C12orf50: variants seen among roughly 807,000 people sequenced by gnomAD.
C12orf50 encodes zinc finger CCCH-type containing 11D.
C12orf50 carries 35 observed loss-of-function variants against 61.6 expected under a neutral mutation model. The ratio of observed to expected loss-of-function variants is 0.57; its 90% CI spans 0.43 to 0.75. The LOEUF (loss-of-function observed/expected upper bound fraction) is 0.75, where lower values mean the gene tolerates loss of function less well. Ranked by LOEUF, C12orf50 falls within the 30% of genes least tolerant of loss-of-function variation. The pLI is 0.00. For synonymous variants in C12orf50, 178 were observed against 161.5 expected (o/e 1.10, Z -0.77); for missense variants, 475 against 488.5 (o/e 0.97, Z 0.26).
chr12:87,992,826 A>G (rs1275515839), intron 7 of C12orf50, among the ~76,000 whole-genome samples: 1 of 152,184 alleles, frequency 6.6e-6, no homozygotes, highest in African/African-American at 2.4e-5. Context: ...AAGTGCAATA[A>G]CACATTAAAA....
chr12:87,980,289 C>A lies in C12orf50; in HGVS notation c.*42G>T. Reference sequence around the variant, plus strand: ...TTTTTGATTGTAAATCAGATGATGTCTGGCAATTTTTTCTCATTTTTCTCT... The same window carrying A: ...TTTTTGATTGTAAATCAGATGATGTATGGCAATTTTTTCTCATTTTTCTCT... On this transcript the variant is annotated 3_prime_UTR_variant, in exon 13 of 13. Coordinates refer to ENST00000298699, the MANE Select transcript of C12orf50 (RefSeq NM_152589.3). The A allele has an allele frequency of 6.3e-7, 1 of 1,583,276 alleles. No individual in the cohort carries two copies.
At chr12:87,985,724 A>C in intron 11 of C12orf50, 126 bp downstream of exon 11, 1 of 862,150 alleles carries the variant, frequency 1.2e-6, no homozygotes, top group Non-Finnish European at 1.9e-6. Flanking sequence ...ACTAGTTTCT[A>C]TGGTGGTGAT....
intron 7 of C12orf50, among the ~76,000 whole-genome samples, chr12:87,993,815 G>A (rs779989165): frequency 1.3e-5 from 2 of 152,192 alleles, no homozygotes; most frequent in Non-Finnish European, 2.9e-5. Context: ...ACATGTTTAT[G>A]CTAAAAAGCA....
chr12:88,029,837 G>A (rs1194858996), upstream of C12orf50, among the ~76,000 whole-genome samples: 2 of 151,950 alleles, frequency 1.3e-5, no homozygotes, highest in African/African-American at 4.8e-5. Flanking sequence ...TATATTAATA[G>A]GTACCTGAAA....
At chr12:87,996,324 A>T in intron 6 of C12orf50, 50 bp downstream of exon 6, 1 of 1,250,930 alleles carries the variant, frequency 8.0e-7, no homozygotes, top group East Asian at 2.3e-5. Flanking sequence ...AGTCTATCAC[A>T]CCAAGTATAT....
intron 3 of C12orf50, among the ~76,000 whole-genome samples, chr12:88,009,886 C>A (rs1170748231): frequency 1.3e-5 from 2 of 152,024 alleles, no homozygotes; most frequent in African/African-American, 2.4e-5. Flanking sequence ...TATTCATATT[C>A]TCTGAAATGG....
intron 8 of C12orf50, among the ~76,000 whole-genome samples, chr12:87,988,225 T>C (rs1388615418): frequency 1.3e-5 from 2 of 152,204 alleles, no homozygotes; most frequent in Admixed American, 1.3e-4. Flanking sequence ...GCAGTATTTT[T>C]ACTATCTCCA....
In C12orf50 at chr12:87,983,098, G is replaced by T; in HGVS notation, c.1219+5C>A. The T allele has an allele frequency of 2.0e-6, 3 of 1,527,656 alleles. No homozygotes were observed. Among genetic ancestry groups the T allele is most frequent in the Non-Finnish European group, 2.7e-6 (3 of 1,111,454 alleles). The allele number at this position is 1,527,656 out of a possible 1,614,324, so 94.6% of individuals were successfully genotyped here. A position where few individuals can be genotyped will look rare whatever the true frequency, so the allele number is the denominator to read the frequency against. On this transcript the variant is annotated splice_donor_5th_base_variant and intron_variant, in intron 12 of 12. Transcript: ENST00000298699. ...GATACATTAAAACCACTTATAAATA[G>T]TTACCTGGATATATCTTTTCACTTT... is the stretch of plus-strand genomic sequence containing the variant.
At chr12:87,981,972 G>A (rs2030500364) in intron 12 of C12orf50, among the ~76,000 whole-genome samples, 1 of 152,078 alleles carries the variant, frequency 6.6e-6, no homozygotes, top group African/African-American at 2.4e-5. Context: ...CATGTATTAT[G>A]TGCTGAAGTG....
At chr12:87,988,237 A>G (rs982197541) in intron 8 of C12orf50, among the ~76,000 whole-genome samples, 49 of 152,290 alleles carry the variant, frequency 3.2e-4, no homozygotes, top group African/African-American at 1.1e-3. Flanking sequence ...CTATCTCCAT[A>G]CAAAAGATTT....
intron 12 of C12orf50, among the ~76,000 whole-genome samples, chr12:87,981,910 T>G (rs1040730277): frequency 2.0e-5 from 3 of 152,148 alleles, no homozygotes; most frequent in African/African-American, 7.2e-5. Flanking sequence ...ATCTGGGAAC[T>G]GCAACACAGC....
At chr12:87,998,710 A>G (rs1237627611) in intron 3 of C12orf50, among the ~76,000 whole-genome samples, 3 of 152,232 alleles carry the variant, frequency 2.0e-5, no homozygotes, top group Non-Finnish European at 4.4e-5. Flanking sequence ...TACAAAACTA[A>G]AGTAATCAAG....
intron 11 of C12orf50, chr12:87,983,913 G>C (rs2030661745): frequency 9.2e-6 from 1 of 108,426 alleles, no homozygotes; most frequent in Admixed American, 1.0e-4. Context: ...CCAGTAATGG[G>C]ATGGCTGGGT....
chr12:87,981,069 G>T (rs542460729), intron 12 of C12orf50, among the ~76,000 whole-genome samples: 2 of 152,242 alleles, frequency 1.3e-5, no homozygotes, highest in South Asian at 4.1e-4. Flanking sequence ...AAGAAAATAA[G>T]AAAACAAACT....
At chr12:88,017,241 CT>C (rs2032345367) in intron 3 of C12orf50, among the ~76,000 whole-genome samples, 1 of 152,148 alleles carries the variant, frequency 6.6e-6, no homozygotes, top group Non-Finnish European at 1.5e-5. Flanking sequence ...CGGGTCTTTT[CT>C]GTGCCGTTCT....
chr12:87,986,870 G>A (rs1370516938), intron 9 of C12orf50, among the ~76,000 whole-genome samples: 4 of 151,994 alleles, frequency 2.6e-5, no homozygotes, highest in Admixed American at 2.6e-4. Flanking sequence ...ATTATTTTAA[G>A]CTCTTAAATT....
At chr12:88,006,704 G>GA (rs2031899415) in intron 3 of C12orf50, among the ~76,000 whole-genome samples, 1 of 152,136 alleles carries the variant, frequency 6.6e-6, no homozygotes, top group African/African-American at 2.4e-5. Context: ...ATTCAGGCCT[G>GA]AAAAATAGAG....
chr12:88,019,956 G>T (rs1444354223), intron 3 of C12orf50, among the ~76,000 whole-genome samples: 1 of 152,102 alleles, frequency 6.6e-6, no homozygotes, highest in East Asian at 1.9e-4. Context: ...CATAAGTGAA[G>T]GATAAATAAG....
intron 9 of C12orf50, 131 bp downstream of exon 9, chr12:87,987,719 T>A: frequency 1.5e-6 from 1 of 649,996 alleles, no homozygotes; most frequent in Middle Eastern, 3.9e-4. Flanking sequence ...ATTGTGTCTT[T>A]AATTCTTAGT....
Sources: gnomAD v4.1 joint callset for allele counts (sites outside exome capture counted in the v4.1 genomes callset) on GRCh38, gnomAD v4.1.1 for gene constraint, MANE v1.5 for transcripts, NCBI Gene and HGNC (gene_info 2026-07-23, HGNC 2026-07-21) for gene names.